Variants in GUCY1A2 observed in about 807,000 individuals in gnomAD.
GUCY1A2 encodes the protein guanylate cyclase 1 soluble subunit alpha 2, also known as guanylate cyclase soluble subunit alpha-2.
GUCY1A2 carries 27 observed loss-of-function variants against 63.5 expected under a neutral mutation model. The observed-to-expected ratio is 0.43, with a 90% confidence interval of 0.31 to 0.59. GUCY1A2 has a LOEUF of 0.59. GUCY1A2 is among the 20% of genes least tolerant of loss of function. The pLI is 0.11. For synonymous variants in GUCY1A2, 364 were observed against 343.5 expected, an observed-to-expected ratio of 1.06 and a Z score of -0.66; for missense variants, 768 against 913.3, an observed-to-expected ratio of 0.84 and a Z score of 2.05.
rs1862514420 is a variant in GUCY1A2, at chr11:106,685,700, G to C, written c.*1849C>G. The stretch of plus-strand genomic sequence containing the variant: ...GCTCCCAGTCTGCTCTGCTCATACT[G>C]GCTGTAAACCTCCCCATTGTCCAGA... On this transcript the variant is annotated 3_prime_UTR_variant, in exon 8 of 8. Transcript: ENST00000526355. 2 of 227,722 alleles carry C rather than the reference G, an allele frequency of 8.8e-6. No homozygotes were observed. The highest frequency in any genetic ancestry group is 2.7e-3 in the Middle Eastern group (2 of 752). 14.1% of individuals were successfully genotyped at this position (227,722 alleles called of 1,614,324 possible).
intron 5 of GUCY1A2, among the ~76,000 whole-genome samples, chr11:106,780,707 A>C (rs1864443199): frequency 6.6e-6 from 1 of 152,258 alleles, no homozygotes; most frequent in Non-Finnish European, 1.5e-5. Context: ...TGTGTACTGC[A>C]TGAATGAATA....
chr11:106,694,203 A>C (rs1862675972), intron 7 of GUCY1A2, among the ~76,000 whole-genome samples: 1 of 152,194 alleles, frequency 6.6e-6, no homozygotes, highest in Admixed American at 6.5e-5. Flanking sequence ...TGAATTTAGG[A>C]AATAACCTGG....
chr11:106,781,055 G>C (rs1864450420), intron 5 of GUCY1A2, among the ~76,000 whole-genome samples: 1 of 141,194 alleles, frequency 7.1e-6, no homozygotes, highest in South Asian at 2.3e-4. Context: ...CATTGCTCCT[G>C]AGTTTATTTC....
intron 6 of GUCY1A2, among the ~76,000 whole-genome samples, chr11:106,720,051 A>G (rs1863287623): frequency 6.6e-6 from 1 of 152,178 alleles, no homozygotes. Context: ...ATATTCCTTT[A>G]TATCTCCTGA....
At chr11:106,822,471 C>T (rs780672255) in intron 4 of GUCY1A2, among the ~76,000 whole-genome samples, 8 of 152,114 alleles carry the variant, frequency 5.3e-5, no homozygotes, top group Admixed American at 1.3e-4. Flanking sequence ...CCCAGGTAGA[C>T]AGCATAGTAC....
intron 4 of GUCY1A2, among the ~76,000 whole-genome samples, chr11:106,901,834 G>A (rs1047115581): frequency 3.3e-5 from 5 of 151,982 alleles, no homozygotes; most frequent in South Asian, 2.1e-4. Flanking sequence ...TTTTATGGCC[G>A]CACAGTATTC....
At chr11:106,709,119 C>G (rs1862975439) in intron 6 of GUCY1A2, among the ~76,000 whole-genome samples, 2 of 124,262 alleles carry the variant, frequency 1.6e-5, no homozygotes, top group Non-Finnish European at 3.3e-5. Flanking sequence ...TGGATTTTCC[C>G]ATCAGAGAAG....
At chr11:106,841,050 C>A (rs537295652) in intron 4 of GUCY1A2, among the ~76,000 whole-genome samples, 1 of 151,952 alleles carries the variant, frequency 6.6e-6, no homozygotes, top group Non-Finnish European at 1.5e-5. Flanking sequence ...GGATAAAGGA[C>A]AATACCACAC....
intron 4 of GUCY1A2, among the ~76,000 whole-genome samples, chr11:106,905,174 G>A (rs1860187138): frequency 6.6e-6 from 1 of 152,048 alleles, no homozygotes; most frequent in South Asian, 2.1e-4. Context: ...TTTATTTAAT[G>A]CCTAAACACC....
intron 4 of GUCY1A2, among the ~76,000 whole-genome samples, chr11:106,823,097 A>G (rs1858924051): frequency 1.3e-5 from 2 of 149,630 alleles, no homozygotes; most frequent in South Asian, 4.3e-4. Flanking sequence ...TTTTCTTCTG[A>G]AAAAAAAATG....
intron 4 of GUCY1A2, among the ~76,000 whole-genome samples, chr11:106,862,998 AG>A (rs1859534470): frequency 6.6e-6 from 1 of 152,076 alleles, no homozygotes; most frequent in Non-Finnish European, 1.5e-5. Context: ...CCTGGGACAG[AG>A]GTGGCTGGGG....
intron 6 of GUCY1A2, among the ~76,000 whole-genome samples, chr11:106,735,392 C>T (rs1209471741): frequency 6.6e-6 from 1 of 152,066 alleles, no homozygotes; most frequent in Non-Finnish European, 1.5e-5. Flanking sequence ...TGAGAACATG[C>T]AATAGTCATC....
At chr11:106,866,665 T>A (rs2135461243) in intron 4 of GUCY1A2, among the ~76,000 whole-genome samples, 1 of 152,170 alleles carries the variant, frequency 6.6e-6, no homozygotes, top group Non-Finnish European at 1.5e-5. Context: ...AGCCTGAGCA[T>A]TCATTCAATA....
chr11:106,823,372 C>A (rs1403626822), intron 4 of GUCY1A2, among the ~76,000 whole-genome samples: 1 of 152,130 alleles, frequency 6.6e-6, no homozygotes, highest in Non-Finnish European at 1.5e-5. Context: ...TGAGTTAGTT[C>A]ACTTAAGATA....
intron 6 of GUCY1A2, among the ~76,000 whole-genome samples, chr11:106,733,909 C>A (rs1009917546): frequency 6.6e-6 from 1 of 152,012 alleles, no homozygotes; most frequent in Non-Finnish European, 1.5e-5. Flanking sequence ...TCAACTCCTC[C>A]TAGGGGAGCA....
At chr11:106,784,437 C>A (rs1864521381) in intron 5 of GUCY1A2, among the ~76,000 whole-genome samples, 1 of 152,084 alleles carries the variant, frequency 6.6e-6, no homozygotes, top group African/African-American at 2.4e-5. Context: ...ATACCTCGGT[C>A]TCCCTAGCTC....
chr11:106,985,472 AG>A (rs1861389524), intron 2 of GUCY1A2, among the ~76,000 whole-genome samples: 2 of 152,226 alleles, frequency 1.3e-5, no homozygotes, highest in Non-Finnish European at 2.9e-5. Flanking sequence ...TCCTTGATTT[AG>A]TTATTATTAT....
chr11:106,834,277 C>A (rs140762043), intron 4 of GUCY1A2, among the ~76,000 whole-genome samples: 11 of 152,088 alleles, frequency 7.2e-5, no homozygotes, highest in African/African-American at 2.6e-4. Flanking sequence ...AGCCTTTTTG[C>A]AGTTTCCACA....
chr11:106,738,730 T>G (rs1863634820), intron 6 of GUCY1A2, among the ~76,000 whole-genome samples: 1 of 152,182 alleles, frequency 6.6e-6, no homozygotes, highest in Admixed American at 6.5e-5. Flanking sequence ...CTGAGGCCTC[T>G]TTTCTTTTCC....
Sources: allele counts gnomAD v4.1 joint callset (sites outside exome capture counted in the v4.1 genomes callset), GRCh38; gene constraint gnomAD v4.1.1; transcripts MANE v1.5; gene names NCBI Gene and HGNC (gene_info 2026-07-23, HGNC 2026-07-21).